ICA1: variants seen among roughly 807,000 people sequenced by gnomAD.
The protein encoded by ICA1 is 69 kDa islet cell autoantigen.
A neutral mutation model predicts 71.0 loss-of-function variants in ICA1; 40 were observed. The ratio of observed to expected loss-of-function variants is 0.56; its 90% CI spans 0.44 to 0.73. The LOEUF is 0.73. ICA1 is among the 30% of genes least tolerant of loss of function. ICA1 has a pLI of 0.00. For missense variants in ICA1, 578 were observed against 576.5 expected, an observed-to-expected ratio of 1.00 and a Z score of -0.03; for synonymous variants, 207 against 209.5, an observed-to-expected ratio of 0.99 and a Z score of 0.10.
intron 6 of ICA1, among the ~76,000 whole-genome samples, chr7:8,206,968 A>T (rs1023828617): frequency 1.3e-5 from 2 of 152,196 alleles, no homozygotes; most frequent in Non-Finnish European, 2.9e-5. Flanking sequence ...TTTTGCTTGT[A>T]AGCATGGCTG....
At chr7:8,202,979 G>C (rs551355366) in intron 6 of ICA1, among the ~76,000 whole-genome samples, 45 of 152,300 alleles carry the variant, frequency 3.0e-4, no homozygotes, top group Middle Eastern at 3.4e-3. Context: ...CAAATTCCTT[G>C]TGATTAACAT....
intron 6 of ICA1, among the ~76,000 whole-genome samples, chr7:8,201,178 C>A (rs975523317): frequency 2.6e-5 from 4 of 152,302 alleles, no homozygotes; most frequent in African/African-American, 7.2e-5. Context: ...CTGGCTGTGC[C>A]TCTGGATTGT....
chr7:8,122,325 G>C (rs1238564271), intron 13 of ICA1, among the ~76,000 whole-genome samples: 18 of 152,234 alleles, frequency 1.2e-4, no homozygotes, highest in Admixed American at 1.2e-3. Flanking sequence ...TGGAAGCCAT[G>C]CTGAGGAGTT....
At position 8,123,818 on chromosome 7, in the gene ICA1, A is replaced by T. The variant is rs1381761028; in HGVS notation, c.1330+4055T>A. On this transcript the variant is annotated intron_variant, in intron 13 of 13. Coordinates refer to ENST00000402384, the MANE Select transcript of ICA1 (RefSeq NM_001136020.3). The surrounding 1 kb of genome is among the most constrained non-coding windows in gnomAD (Gnocchi z 4.1). ...TTTTGCTCTCAGAGACTGTACTGAGAGGCCAGAGAAGGGAATGGTGAAAGG... is the reference window on the plus strand; with the variant it reads ...TTTTGCTCTCAGAGACTGTACTGAGTGGCCAGAGAAGGGAATGGTGAAAGG... Among the ~76,000 whole-genome samples, 1 of 152,202 alleles carries T rather than the reference A, an allele frequency of 6.6e-6. No individual in the cohort carries two copies. The highest frequency in any genetic ancestry group is 1.5e-5 in the Non-Finnish European group (1 of 68,048).
chr7:8,245,325 C>G (rs1226890185), intron 1 of ICA1, among the ~76,000 whole-genome samples: 1 of 150,524 alleles, frequency 6.6e-6, no homozygotes, highest in African/African-American at 2.5e-5. Flanking sequence ...AATCCAAGCA[C>G]CACATGTTCT....
At chr7:8,116,426 T>C (rs1784819570) in intron 13 of ICA1, 1 of 152,156 alleles carries the variant, frequency 6.6e-6, no homozygotes, top group South Asian at 2.1e-4. Flanking sequence ...AAATAAGACA[T>C]TTCTCCCATG....
At chr7:8,252,193 A>T (rs1164857935) in intron 1 of ICA1, among the ~76,000 whole-genome samples, 1 of 152,226 alleles carries the variant, frequency 6.6e-6, no homozygotes, top group Non-Finnish European at 1.5e-5. Context: ...TTTCACATAC[A>T]GATTTTACTC....
chr7:8,151,143 A>C (rs1798658417), intron 8 of ICA1, among the ~76,000 whole-genome samples: 1 of 152,240 alleles, frequency 6.6e-6, no homozygotes, highest in Non-Finnish European at 1.5e-5. Context: ...TCTCCTAGAC[A>C]CTATTTCACC....
intron 1 of ICA1, among the ~76,000 whole-genome samples, chr7:8,240,395 C>G (rs879327819): frequency 3.3e-5 from 5 of 152,108 alleles, no homozygotes; most frequent in Admixed American, 1.3e-4. Flanking sequence ...GACATTCACA[C>G]CAAAACCCCA....
At position 8,142,088 on chromosome 7, in the gene ICA1, C is replaced by T. The variant is rs77537805; in HGVS notation, c.903-271G>A. On this transcript the variant is annotated intron_variant, in intron 9 of 13. Coordinates refer to ENST00000402384, the MANE Select transcript of ICA1 (RefSeq NM_001136020.3). ...GGCAGTTAGATATAAATAAGATAGA[C>T]GCATACAGTTATCACCTTAAAAATA... The T allele has an allele frequency of 7.3e-3, 8,085 of 1,107,716 alleles. 425 individuals carry two copies. The African/African-American group carries it at 0.11, about 16-fold the overall frequency. 68.6% of individuals were successfully genotyped at this position (1,107,716 alleles called of 1,614,324 possible).
intron 1 of ICA1, among the ~76,000 whole-genome samples, chr7:8,249,849 A>T (rs959434081): frequency 3.9e-5 from 6 of 152,236 alleles, no homozygotes; most frequent in Non-Finnish European, 7.3e-5. Context: ...ATTTCTTTTC[A>T]AATGATCTGA....
Position 8,128,024 on chromosome 7 carries a change from C to T in ICA1, c.1179G>A (p.Glu393=). The T allele has an allele frequency of 6.2e-7, 1 of 1,614,232 alleles. No individual in the cohort carries two copies. The part of the protein sequence containing the change: ...SSLEEGEFSK[E]WAAVFGDGQV... ...GGCCGTCTCCAAACACAGCGGCCCA[C>T]TCTTTGCTGAACTCGCCCTCTTCCA... Residue 393 remains glutamate, a synonymous_variant, in exon 13 of 14, where the codon GAG becomes GAA. Coordinates refer to ENST00000402384, the MANE Select transcript of ICA1 (RefSeq NM_001136020.3).
chr7:8,187,581 A>T (rs185380256), intron 6 of ICA1, among the ~76,000 whole-genome samples: 1 of 152,356 alleles, frequency 6.6e-6, no homozygotes, highest in Admixed American at 6.5e-5. Flanking sequence ...TCTTTCTTTG[A>T]TAATAAATTA....
At position 8,221,404 on chromosome 7, in the gene ICA1, G is replaced by A. The variant is rs950691913; in HGVS notation, c.257-6C>T. On this transcript the variant is annotated splice_region_variant and splice_polypyrimidine_tract_variant and intron_variant, in intron 4 of 13. Coordinates refer to ENST00000402384, the MANE Select transcript of ICA1 (RefSeq NM_001136020.3). ...GTTTTCTTCTTGAGACAAGACTGAT[G>A]AAGAAAAGACCAAAAGGAGCCATGA... 1 of 1,612,862 alleles carries A rather than the reference G, an allele frequency of 6.2e-7. No individual in the cohort carries two copies.
chr7:8,175,352 C>T (rs1251182239), intron 6 of ICA1, among the ~76,000 whole-genome samples: 2 of 152,150 alleles, frequency 1.3e-5, no homozygotes, highest in African/African-American at 4.8e-5. Context: ...TGTCATTTTA[C>T]TTCATTTCCT....
chr7:8,200,264 G>A (rs1465460465), intron 6 of ICA1, among the ~76,000 whole-genome samples: 3 of 142,548 alleles, frequency 2.1e-5, no homozygotes, highest in Non-Finnish European at 4.5e-5. Context: ...TTAAAGCATA[G>A]TGCCATGTGT....
chr7:8,121,891 G>C (rs909340055), intron 13 of ICA1, among the ~76,000 whole-genome samples: 4 of 152,172 alleles, frequency 2.6e-5, no homozygotes, highest in Non-Finnish European at 4.4e-5. Flanking sequence ...ACGTCTACTA[G>C]TCCCACAGAA....
intron 8 of ICA1, chr7:8,156,782 T>C: frequency 6.9e-7 from 1 of 1,448,352 alleles, no homozygotes; most frequent in East Asian, 2.5e-5. Flanking sequence ...TTTAGCAATG[T>C]CAAACAAGTA....
rs1260879573 is a variant in ICA1 at position 8,235,978 on chromosome 7, A to C, written c.-52T>G. ...ATTTGGGGAGAAGGGGCAGGAAAAA[A>C]GCATGAGAGGATAAGTTATATTATA... On this transcript the variant is annotated 5_prime_UTR_variant, in exon 2 of 14. Coordinates refer to ENST00000402384, the MANE Select transcript of ICA1 (RefSeq NM_001136020.3). 2 of 1,570,352 alleles carry C rather than the reference A, an allele frequency of 1.3e-6. No homozygotes were observed. The highest frequency in any genetic ancestry group is 2.2e-5 in the South Asian group (2 of 89,664).
Sources: gnomAD v4.1 joint callset for allele counts (sites outside exome capture counted in the v4.1 genomes callset) on GRCh38, gnomAD v4.1.1 for gene constraint, Gnocchi (gnomAD v3.1) non-coding constraint, MANE v1.5 for transcripts, NCBI Gene and HGNC (gene_info 2026-07-23, HGNC 2026-07-21) for gene names.